The following ITCH variants were observed in gnomAD, a reference collection of about 807,000 sequenced individuals.
ITCH encodes itchy E3 ubiquitin protein ligase, also known as E3 ubiquitin-protein ligase Itchy homolog.
ITCH carries 28 observed loss-of-function variants against 126.8 expected under a neutral mutation model. That is an observed-to-expected ratio of 0.22 (90% confidence interval 0.16 to 0.30). The LOEUF (loss-of-function observed/expected upper bound fraction) is 0.30. Ranked by LOEUF, ITCH falls within the 10% of genes least tolerant of loss-of-function variation. ITCH has a pLI of 1.00. For missense variants in ITCH, 631 were observed against 1,032.4 expected, an observed-to-expected ratio of 0.61 and a Z score of 5.33; for synonymous variants, 342 against 340.0, an observed-to-expected ratio of 1.01 and a Z score of -0.06.
intron 3 of ITCH, among the ~76,000 whole-genome samples, chr20:34,399,705 G>T (rs1486695340): frequency 2.6e-5 from 4 of 151,854 alleles, no homozygotes; most frequent in African/African-American, 4.8e-5. Context: ...GCCAGGTGTG[G>T]TCATACGTGC....
rs373086001 is a variant in ITCH at position 34,457,425 on chromosome 20, G to A, written c.1246G>A (p.Val416Ile). Residue 416 changes from valine to isoleucine, a missense_variant, in exon 13 of 25, where the codon GTC becomes ATC. Val to Ile is a conservative substitution (Grantham distance 29). Around this residue, in one of 4 missense-constraint regions of ITCH, gnomAD observed 390 missense variants for 731.6 expected, o/e 0.53. Coordinates refer to ENST00000374864, the MANE Select transcript of ITCH (RefSeq NM_031483.7). The part of the protein sequence containing the change: ...RTDSNGRVYF[V>I]NHNTRITQWE... ...AGACAGCAATGGCAGAGTATATTTC[G>A]TCAACCACAACACACGAATTACACA... 88 of 1,613,656 alleles carry A rather than the reference G, an allele frequency of 5.5e-5. 1 individual carries two copies. The highest frequency in any genetic ancestry group is 2.3e-5 in the Non-Finnish European group (27 of 1,179,832).
intron 6 of ITCH, among the ~76,000 whole-genome samples, chr20:34,417,703 CTTTTTTTT>C (rs77967776): frequency 1.8e-5 from 2 of 109,306 alleles, no homozygotes; most frequent in Non-Finnish European, 3.5e-5. Flanking sequence ...CCTGGCCCAG[CTTTTTTTT>C]TTTTTTTTTT....
At chr20:34,490,893 C>G (rs1036438739) in intron 22 of ITCH, among the ~76,000 whole-genome samples, 7 of 152,314 alleles carry the variant, frequency 4.6e-5, no homozygotes, top group African/African-American at 1.7e-4. Flanking sequence ...CAGTATTCAT[C>G]ATTCATTTAC....
chr20:34,439,196 C>G (rs1051411818), intron 8 of ITCH, among the ~76,000 whole-genome samples: 1 of 152,154 alleles, frequency 6.6e-6, no homozygotes, highest in Non-Finnish European at 1.5e-5. Context: ...TGTAGTTAAA[C>G]CAAATATTAC....
chr20:34,439,943 T>C (rs1044287191), intron 8 of ITCH, among the ~76,000 whole-genome samples: 1 of 152,202 alleles, frequency 6.6e-6, no homozygotes, highest in African/African-American at 2.4e-5. Flanking sequence ...TAATGGGACA[T>C]AGGGGTAGAC....
chr20:34,394,106 G>A (rs924288838), intron 3 of ITCH, among the ~76,000 whole-genome samples: 5 of 151,628 alleles, frequency 3.3e-5, no homozygotes, highest in South Asian at 2.1e-4. Context: ...CAGCTACTCC[G>A]GAGGCTGAGG....
intron 8 of ITCH, among the ~76,000 whole-genome samples, chr20:34,438,922 G>T (rs1983388504): frequency 6.6e-6 from 1 of 152,098 alleles, no homozygotes; most frequent in Admixed American, 6.6e-5. Flanking sequence ...TTTCTTAAAT[G>T]GTTTGTAACT....
intron 1 of ITCH, among the ~76,000 whole-genome samples, chr20:34,364,377 T>C (rs1049336033): frequency 6.6e-6 from 1 of 151,808 alleles, no homozygotes; most frequent in Non-Finnish European, 1.5e-5. Context: ...AGTAAGACCC[T>C]GGAGCCAGCC....
chr20:34,506,034 C>T (rs1990599322), intron 24 of ITCH, among the ~76,000 whole-genome samples: 1 of 152,076 alleles, frequency 6.6e-6, no homozygotes, highest in Non-Finnish European at 1.5e-5. Context: ...GCATTCATAT[C>T]ATTATGCAGT....
chr20:34,483,881 A>G (rs545104045), intron 20 of ITCH, among the ~76,000 whole-genome samples: 1 of 152,338 alleles, frequency 6.6e-6, no homozygotes, highest in South Asian at 2.1e-4. Flanking sequence ...ACAGTTCCAC[A>G]TGGCTGGGGA....
intron 3 of ITCH, among the ~76,000 whole-genome samples, chr20:34,394,571 T>TG (rs2038606212): frequency 6.6e-6 from 1 of 152,144 alleles, no homozygotes; most frequent in African/African-American, 2.4e-5. Flanking sequence ...TTTGTAGAGA[T>TG]GGGGTCTCAC....
At chr20:34,496,241 A>G (rs969598924) in intron 23 of ITCH, among the ~76,000 whole-genome samples, 11 of 151,518 alleles carry the variant, frequency 7.3e-5, no homozygotes, top group African/African-American at 2.7e-4. Flanking sequence ...ATGATTAGTT[A>G]TGTTTAACAT....
intron 16 of ITCH, 96 bp from the exon 17 acceptor site, chr20:34,477,676 T>C: frequency 9.2e-7 from 1 of 1,086,092 alleles, no homozygotes; most frequent in South Asian, 1.3e-5. Flanking sequence ...ATGGGAGATT[T>C]CAGTTACCTA....
At position 34,457,415 on chromosome 20, in the gene ITCH, A is replaced by G. The variant is rs752300354; in HGVS notation, c.1236A>G (p.Arg412=). The change falls in exon 13 of 25, where the codon AGA becomes AGG. Residue 412 remains arginine (R), a synonymous_variant. Coordinates refer to ENST00000374864, the MANE Select transcript of ITCH (RefSeq NM_031483.7). The part of the protein sequence containing the change: ...GWEKRTDSNG[R]VYFVNHNTRI... ...AGAAGAGAACAGACAGCAATGGCAG[A>G]GTATATTTCGTCAACCACAACACAC... The G allele has an allele frequency of 6.2e-7, 1 of 1,613,858 alleles. No homozygotes were observed. Among genetic ancestry groups the G allele is most frequent in the South Asian group, 1.1e-5 (1 of 91,046 alleles).
At chr20:34,390,112 T>C (rs1221788713) in intron 2 of ITCH, among the ~76,000 whole-genome samples, 4 of 100,128 alleles carry the variant, frequency 4.0e-5, no homozygotes, top group Non-Finnish European at 8.0e-5. Flanking sequence ...AGAGTGAGAC[T>C]CTGTCTCAAA....
intron 24 of ITCH, among the ~76,000 whole-genome samples, chr20:34,505,233 G>A (rs545681801): frequency 6.6e-6 from 1 of 152,164 alleles, no homozygotes; most frequent in African/African-American, 2.4e-5. Context: ...TAGTACAGAT[G>A]GGGTTTCGCC....
At chr20:34,427,700 A>G (rs1386007867) in intron 7 of ITCH, among the ~76,000 whole-genome samples, 1 of 152,170 alleles carries the variant, frequency 6.6e-6, no homozygotes, top group Non-Finnish European at 1.5e-5. Flanking sequence ...TTTTTTTAGT[A>G]TTATTATATT....
At chr20:34,487,768 G>T (rs1417650470) in intron 20 of ITCH, among the ~76,000 whole-genome samples, 1 of 151,948 alleles carries the variant, frequency 6.6e-6, no homozygotes, top group Non-Finnish European at 1.5e-5. Flanking sequence ...ATGAAACCCC[G>T]TCTCTACTAA....
chr20:34,402,498 T>C (rs2038922109), intron 3 of ITCH: 1 of 760,404 alleles, frequency 1.3e-6, no homozygotes, highest in African/African-American at 1.7e-5. Flanking sequence ...CATCTGTTTG[T>C]GGATAACTCA....
Sources: allele counts gnomAD v4.1 joint callset (sites outside exome capture counted in the v4.1 genomes callset), GRCh38; gene constraint gnomAD v4.1.1; regional missense constraint gnomAD v4.1.1; transcripts MANE v1.5; gene names NCBI Gene and HGNC (gene_info 2026-07-23, HGNC 2026-07-21).